The following CNTN5 variants were observed in gnomAD, a reference collection of about 807,000 sequenced individuals.
CNTN5 encodes the protein contactin 5, also known as contactin-5.
Under a neutral mutation model 129.1 loss-of-function variants are expected in CNTN5, and 77 were observed. That is an observed-to-expected ratio of 0.60 (90% CI 0.50 to 0.72). The LOEUF is 0.72. CNTN5 is among the 30% of genes least tolerant of loss of function. The pLI is 0.00. For missense variants in CNTN5, 1,478 were observed against 1,328.8 expected (o/e 1.11, Z -1.75); for synonymous variants, 509 against 465.6 (o/e 1.09, Z -1.20).
chr11:99,238,037 A>G (rs1861367023), intron 1 of CNTN5, among the ~76,000 whole-genome samples: 1 of 152,166 alleles, frequency 6.6e-6, no homozygotes, highest in Non-Finnish European at 1.5e-5. Flanking sequence ...TCTTTGTAAC[A>G]TATTTTTCCT....
At chr11:99,176,693 T>C (rs981119253) in intron 1 of CNTN5, among the ~76,000 whole-genome samples, 3 of 152,202 alleles carry the variant, frequency 2.0e-5, no homozygotes, top group African/African-American at 7.2e-5. Context: ...ATTCTAATCA[T>C]TTCCCACCAC....
At chr11:99,598,279 CTT>C (rs1433671300) in intron 3 of CNTN5, among the ~76,000 whole-genome samples, 3 of 5,464 alleles carry the variant, frequency 5.5e-4, no homozygotes, top group Admixed American at 2.0e-3. Context: ...CTTTTCTTTT[CTT>C]TTCTTTTCTT....
At chr11:99,050,212 C>G (rs1864371724) in intron 1 of CNTN5, among the ~76,000 whole-genome samples, 1 of 151,900 alleles carries the variant, frequency 6.6e-6, no homozygotes, top group Non-Finnish European at 1.5e-5. Flanking sequence ...AATGTATTGA[C>G]TGACACTTCA....
intron 11 of CNTN5, 72 bp from the exon 12 acceptor site, chr11:100,071,633 T>G: frequency 8.2e-7 from 1 of 1,226,744 alleles, no homozygotes; most frequent in Non-Finnish European, 1.1e-6. Flanking sequence ...TTTCTTAGTC[T>G]AGGAGAGAAT....
chr11:99,912,859 T>C (rs1949697430), intron 6 of CNTN5, among the ~76,000 whole-genome samples: 1 of 152,054 alleles, frequency 6.6e-6, no homozygotes, highest in Admixed American at 6.6e-5. Flanking sequence ...ATGTGCCTTA[T>C]AGTAAGTCCA....
chr11:99,463,338 T>C (rs1489854522), intron 2 of CNTN5, among the ~76,000 whole-genome samples: 1 of 145,358 alleles, frequency 6.9e-6, no homozygotes, highest in Admixed American at 7.0e-5. Flanking sequence ...CTCGGGAGGC[T>C]GAGGCGGGAG....
chr11:99,685,931 C>A (rs1427960045), intron 3 of CNTN5, among the ~76,000 whole-genome samples: 1 of 151,922 alleles, frequency 6.6e-6, no homozygotes, highest in African/African-American at 2.4e-5. Flanking sequence ...ACCTCTATTC[C>A]CACTTCATAG....
intron 13 of CNTN5, among the ~76,000 whole-genome samples, chr11:100,138,535 C>T (rs568432972): frequency 4.6e-5 from 7 of 151,974 alleles, no homozygotes; most frequent in African/African-American, 1.7e-4. Context: ...ATTTTGGCTT[C>T]ATATAATACA....
rs553346632 is a variant in CNTN5 at position 99,100,145 on chromosome 11, T to C, written c.-210+78875T>C. ...ACGCTTCTTTAGGACCTGCAAACAA[T>C]ATTTTTAAAGAGAGAGGAAACCACT... On this transcript the variant is annotated intron_variant, in intron 1 of 24. Transcript: ENST00000524871. Among the ~76,000 whole-genome samples, 6 of 152,260 alleles carry C rather than the reference T, an allele frequency of 3.9e-5. No individual in the cohort carries two copies. The South Asian group carries it at 1.0e-3, about 26-fold the overall frequency.
intron 3 of CNTN5, among the ~76,000 whole-genome samples, chr11:99,579,453 T>G (rs2135604456): frequency 6.6e-6 from 1 of 151,714 alleles, no homozygotes; most frequent in Admixed American, 6.6e-5. Flanking sequence ...TGATTCTTCC[T>G]ACCCATGAGC....
intron 8 of CNTN5, among the ~76,000 whole-genome samples, chr11:99,964,827 T>A (rs553555768): frequency 1.2e-4 from 19 of 152,282 alleles, no homozygotes; most frequent in African/African-American, 4.3e-4. Flanking sequence ...AATTATTGCC[T>A]CAATTTCAGA....
intron 21 of CNTN5, among the ~76,000 whole-genome samples, chr11:100,311,494 A>G (rs1250504569): frequency 6.6e-6 from 1 of 151,990 alleles, no homozygotes; most frequent in African/African-American, 2.4e-5. Flanking sequence ...GGGAAATCAT[A>G]AGGTTATAAA....
chr11:100,051,206 T>A (rs373968968), intron 9 of CNTN5, among the ~76,000 whole-genome samples: 3 of 152,020 alleles, frequency 2.0e-5, no homozygotes, highest in Admixed American at 2.0e-4. Flanking sequence ...AATACACTTA[T>A]CTGCACATGG....
chr11:100,278,481 T>C (rs1449820530), intron 18 of CNTN5, among the ~76,000 whole-genome samples: 1 of 152,090 alleles, frequency 6.6e-6, no homozygotes. Context: ...TCCTTTTCAA[T>C]GTATTGCATC....
At chr11:100,218,978 A>T (rs1163614911) in intron 15 of CNTN5, among the ~76,000 whole-genome samples, 1 of 152,164 alleles carries the variant, frequency 6.6e-6, no homozygotes, top group Non-Finnish European at 1.5e-5. Context: ...GGATATAAAG[A>T]CCTCATTTCA....
intron 3 of CNTN5, among the ~76,000 whole-genome samples, chr11:99,746,964 A>G (rs537580930): frequency 2.6e-5 from 4 of 152,216 alleles, no homozygotes; most frequent in African/African-American, 7.2e-5. Flanking sequence ...GGAAAATAGC[A>G]TTGGAATTTT....
chr11:99,804,185 A>T (rs1946198791), intron 3 of CNTN5, among the ~76,000 whole-genome samples: 1 of 151,934 alleles, frequency 6.6e-6, no homozygotes, highest in Admixed American at 6.6e-5. Flanking sequence ...ATTAAATATG[A>T]ATAATAATGT....
intron 13 of CNTN5, among the ~76,000 whole-genome samples, chr11:100,099,864 C>T (rs189757589): frequency 2.2e-4 from 34 of 152,082 alleles, no homozygotes; most frequent in African/African-American, 6.5e-4. Context: ...CCTTACATCT[C>T]CTTTATTTAG....
chr11:100,302,526 A>G (rs1951246529), intron 20 of CNTN5, among the ~76,000 whole-genome samples: 2 of 151,614 alleles, frequency 1.3e-5, no homozygotes, highest in South Asian at 2.1e-4. Flanking sequence ...ATTTCTGTTT[A>G]TGGGCTTAGT....
Sources: allele counts gnomAD v4.1 joint callset (sites outside exome capture counted in the v4.1 genomes callset), GRCh38; gene constraint gnomAD v4.1.1; transcripts MANE v1.5; gene names NCBI Gene and HGNC (gene_info 2026-07-23, HGNC 2026-07-21).